The following NCOA7 variants were observed in gnomAD, a reference collection of about 807,000 sequenced individuals.
The protein encoded by NCOA7 is nuclear receptor coactivator 7.
In NCOA7, 45 loss-of-function variants were observed where a neutral mutation model predicts 104.3. That is an observed-to-expected ratio of 0.43 (90% confidence interval 0.34 to 0.55). NCOA7 has a LOEUF of 0.55. Ranked by LOEUF, NCOA7 falls within the 20% of genes least tolerant of loss-of-function variation. NCOA7 has a pLI of 0.02. For synonymous variants in NCOA7, 398 were observed against 402.3 expected, an observed-to-expected ratio of 0.99 and a Z score of 0.13; for missense variants, 1,041 against 1,119.7, an observed-to-expected ratio of 0.93 and a Z score of 1.00.
chr6:125,884,370 T>A (rs1458231730), intron 7 of NCOA7, among the ~76,000 whole-genome samples: 1 of 152,198 alleles, frequency 6.6e-6, no homozygotes, highest in Non-Finnish European at 1.5e-5. Flanking sequence ...TACCCAGTAA[T>A]GAGATTGCTG....
chr6:125,825,173 A>AT (rs1562839860), intron 2 of NCOA7, among the ~76,000 whole-genome samples: 3 of 141,372 alleles, frequency 2.1e-5, no homozygotes, highest in Non-Finnish European at 4.6e-5. Flanking sequence ...CCCTGTCTCT[A>AT]CAAAAAAAAA....
chr6:125,797,475 G>A (rs1013743620), intron 1 of NCOA7, among the ~76,000 whole-genome samples: 1 of 152,138 alleles, frequency 6.6e-6, no homozygotes, highest in African/African-American at 2.4e-5. Context: ...CACTAACCAG[G>A]TATGCCTTAT....
intron 9 of NCOA7, 110 bp downstream of exon 9, chr6:125,890,091 A>C (rs949346042): frequency 1.9e-5 from 16 of 821,394 alleles, no homozygotes; most frequent in African/African-American, 1.9e-4. Context: ...GTATTTTCTC[A>C]ATAGAGTGTA....
At chr6:125,921,161 A>AG (rs1787544522) in intron 12 of NCOA7, 93 bp downstream of exon 12, 3 of 1,470,476 alleles carry the variant, frequency 2.0e-6, no homozygotes, top group Non-Finnish European at 1.8e-6. Context: ...TGTAATCCTC[A>AG]CACTTTGGGA....
rs772534310 is a variant in NCOA7 at position 125,921,019 on chromosome 6, C to G, written c.2321C>G (p.Pro774Arg). Residue 774 changes from proline (P) to arginine (R), a missense_variant, in exon 12 of 16, where the codon CCT becomes CGT. Pro to Arg is a moderately radical substitution (Grantham distance 103). Around this residue, in one of 2 missense-constraint regions of NCOA7, gnomAD observed 914 missense variants for 942.7 expected, o/e 0.97. Transcript: ENST00000392477. ...GAAGACGAGGACGAAGAGGTGCTGC[C>G]TGTCCTACGGCCCCACAGCGCGCTC... ...YYEDEDEEVL[P>R]VLRPHSALLE... 6.2e-7 allele frequency: 1 copy of G among 1,613,874 alleles called. No homozygotes were observed. The highest frequency in any genetic ancestry group is 8.5e-7 in the Non-Finnish European group (1 of 1,179,864).
At chr6:125,830,376 T>G (rs1779064551) in intron 2 of NCOA7, among the ~76,000 whole-genome samples, 1 of 152,168 alleles carries the variant, frequency 6.6e-6, no homozygotes, top group African/African-American at 2.4e-5. Context: ...CATCTTGATA[T>G]GACCTGATTA....
chr6:125,874,751 A>G (rs1290527149), intron 3 of NCOA7, 138 bp from the exon 4 acceptor site: 12 of 619,458 alleles, frequency 1.9e-5, no homozygotes, highest in Non-Finnish European at 3.2e-5. Flanking sequence ...AGTATGATCT[A>G]TTTGTGCCCT....
At chr6:125,863,911 A>G (rs1782239481) in intron 3 of NCOA7, among the ~76,000 whole-genome samples, 2 of 137,696 alleles carry the variant, frequency 1.5e-5, no homozygotes, top group Non-Finnish European at 1.5e-5. Context: ...CCTTTTCCTA[A>G]TACCACACAC....
chr6:125,928,791 T>C lies in NCOA7; in HGVS notation c.*20T>C. On this transcript the variant is annotated 3_prime_UTR_variant, in exon 16 of 16. Coordinates refer to ENST00000392477, the MANE Select transcript of NCOA7 (RefSeq NM_181782.5). ...GATTGAAATTCAGACTGCCTTAAAA[T>C]ATAACATTAAAAAGACTGGGTTCGA... is the stretch of plus-strand genomic sequence containing the variant. 2 of 1,605,584 alleles carry C rather than the reference T, an allele frequency of 1.2e-6. No individual in the cohort carries two copies. Among genetic ancestry groups the C allele is most frequent in the South Asian group, 2.2e-5 (2 of 89,304 alleles).
At chr6:125,899,846 C>G in intron 10 of NCOA7, 1 of 313,384 alleles carries the variant, frequency 3.2e-6, no homozygotes, top group East Asian at 8.3e-5. Context: ...GTTAATCATT[C>G]ACTCTACAGT....
chr6:125,839,537 C>T (rs631081), intron 2 of NCOA7, among the ~76,000 whole-genome samples: 1,990 of 152,164 alleles, frequency 0.013, 25 homozygotes, highest in Non-Finnish European at 0.021. Flanking sequence ...GGCTAGACCC[C>T]ATCTAGAAGC....
rs754141471 is a variant in NCOA7, at chr6:125,885,346, A to G, written c.884+3A>G. On this transcript the variant is annotated splice_donor_region_variant and intron_variant, in intron 8 of 15. Transcript: ENST00000392477. ...AAGATCAAAGATGCCTTGCCATCGT[A>G]AGACATTTATTTGTTTACCAGGAAA... 2 of 1,612,534 alleles carry G rather than the reference A, an allele frequency of 1.2e-6. No individual in the cohort carries two copies. Among genetic ancestry groups the G allele is most frequent in the Non-Finnish European group, 1.7e-6 (2 of 1,178,852 alleles).
rs192117947 is a variant in NCOA7, at chr6:125,843,457, A to G, written c.51-11563A>G. Among the ~76,000 whole-genome samples the G allele has an allele frequency of 8.8e-4, 134 of 152,316 alleles. 1 individual carries two copies. The highest frequency in any genetic ancestry group is 1.7e-3 in the South Asian group (8 of 4,824). The stretch of plus-strand genomic sequence containing the variant: ...TAATTTGGTACAGCAGCCATAGGGA[A>G]TTAATACATCCAGTCAATTTAACTA... On this transcript the variant is annotated intron_variant, in intron 2 of 15. Transcript: ENST00000392477.
chr6:125,881,397 A>G lies in NCOA7; in HGVS notation c.573+194A>G, dbSNP rs558846965. Among the ~76,000 whole-genome samples, 12 of 152,292 alleles carry G rather than the reference A, an allele frequency of 7.9e-5. No individual in the cohort carries two copies. The South Asian group carries it at 1.7e-3, about 21-fold the overall frequency. On this transcript the variant is annotated intron_variant, in intron 6 of 15. Coordinates refer to ENST00000392477, the MANE Select transcript of NCOA7 (RefSeq NM_181782.5). ...GTTTCAAAGGCAAAAATGGCCAGAC[A>G]CAGTGGCTCAGCCTGTAGTCCCAGC...
chr6:125,841,081 C>A (rs1465170487), intron 2 of NCOA7, among the ~76,000 whole-genome samples: 1 of 150,810 alleles, frequency 6.6e-6, no homozygotes, highest in Non-Finnish European at 1.5e-5. Context: ...TTAGTAGAGA[C>A]AGGATTTCAC....
Position 125,928,871 on chromosome 6 carries a change from C to T in NCOA7, c.*100C>T, listed in dbSNP as rs887679678. The T allele has an allele frequency of 1.3e-5, 16 of 1,277,698 alleles. No individual in the cohort carries two copies. The Admixed American group carries it at 4.1e-4, about 33-fold the overall frequency. The allele number at this position is 1,277,698 out of a possible 1,614,324, so 79.1% of individuals were successfully genotyped here. A position where few individuals can be genotyped will look rare whatever the true frequency, so the allele number is the denominator to read the frequency against. ...AAGCCCCAGCCCAGCCTGCCTCATC[C>T]CACCCCAATGCTTCCTTTCTGCCAT... On this transcript the variant is annotated 3_prime_UTR_variant, in exon 16 of 16. Transcript: ENST00000392477.
chr6:125,824,746 C>T (rs1778499461), intron 2 of NCOA7, among the ~76,000 whole-genome samples: 1 of 152,054 alleles, frequency 6.6e-6, no homozygotes, highest in African/African-American at 2.4e-5. Context: ...TGTCTCCTCT[C>T]CTCCATCTCT....
intron 1 of NCOA7, among the ~76,000 whole-genome samples, chr6:125,806,915 A>G (rs1776509488): frequency 6.6e-6 from 1 of 152,226 alleles, no homozygotes; most frequent in Admixed American, 6.5e-5. Flanking sequence ...AGGGCGTATA[A>G]TAAAATGCTT....
intron 2 of NCOA7, among the ~76,000 whole-genome samples, chr6:125,821,805 G>A (rs1031633490): frequency 5.3e-5 from 8 of 152,178 alleles, no homozygotes; most frequent in East Asian, 1.9e-4. Context: ...TCTGAAAAGA[G>A]CAGTTGCCCA....
Sources: allele counts gnomAD v4.1 joint callset (sites outside exome capture counted in the v4.1 genomes callset), GRCh38; gene constraint gnomAD v4.1.1; regional missense constraint gnomAD v4.1.1; transcripts MANE v1.5; gene names NCBI Gene and HGNC (gene_info 2026-07-23, HGNC 2026-07-21).